PCSK4: variants seen among roughly 807,000 people sequenced by gnomAD.
The protein encoded by PCSK4 is testicular tissue protein Li 135.
PCSK4 carries 64 observed loss-of-function variants against 80.3 expected under a neutral mutation model. That is an observed-to-expected ratio of 0.80 (90% CI 0.65 to 0.98). PCSK4 has a LOEUF of 0.98. Ranked by LOEUF, PCSK4 falls within the 50% of genes least tolerant of loss-of-function variation. PCSK4 has a pLI of 0.00. For synonymous variants in PCSK4, 561 were observed against 487.6 expected (o/e 1.15, Z -1.98); for missense variants, 1,213 against 1,093.6 (o/e 1.11, Z -1.54).
exon 10 of PCSK4, chr19:1,483,870 T>C: frequency 6.7e-7 from 1 of 1,497,162 alleles, no homozygotes; most frequent in Non-Finnish European, 8.8e-7. Flanking sequence ...CCTCCAGTCC[T>C]CGGCCTGCAG....
intron 8 of PCSK4, among the ~76,000 whole-genome samples, chr19:1,485,075 G>C (rs1380751925): frequency 6.6e-6 from 1 of 151,952 alleles, no homozygotes; most frequent in Non-Finnish European, 1.5e-5. Flanking sequence ...TTGAGCCTGG[G>C]AGGTAGAGGT....
intron 2 of PCSK4, among the ~76,000 whole-genome samples, chr19:1,489,386 C>T (rs554402341): frequency 1.0e-3 from 158 of 152,230 alleles, no homozygotes; most frequent in African/African-American, 3.0e-3. Context: ...CGACCGCCTC[C>T]GCCTCCCAAA....
chr19:1,489,649 G>T, intron 2 of PCSK4, 144 bp downstream of exon 2: 1 of 1,404,154 alleles, frequency 7.1e-7, no homozygotes. Context: ...TCCTCTTGCT[G>T]TATAGACTTG....
At chr19:1,490,372 C>A in exon 1 of PCSK4, 1 of 919,172 alleles carries the variant, frequency 1.1e-6, no homozygotes, top group Non-Finnish European at 1.6e-6. Context: ...GCGGGGCCTG[C>A]GCAAATCCCC....
intron 8 of PCSK4, among the ~76,000 whole-genome samples, chr19:1,486,321 G>A (rs956783237): frequency 6.6e-6 from 1 of 150,530 alleles, no homozygotes; most frequent in Non-Finnish European, 1.5e-5. Flanking sequence ...TTTTGAGACG[G>A]AGTCTCACTC....
At chr19:1,483,861 C>T in exon 10 of PCSK4, 2 of 1,497,842 alleles carry the variant, frequency 1.3e-6, no homozygotes, top group Non-Finnish European at 1.8e-6. Context: ...GCCGTTGGTC[C>T]TCCAGTCCTC....
At chr19:1,489,983 T>C in intron 1 of PCSK4, 86 bp from the exon 2 acceptor site, 1 of 1,534,984 alleles carries the variant, frequency 6.5e-7, no homozygotes, top group Non-Finnish European at 8.8e-7. Context: ...CCCTTCTTTG[T>C]CCTTCCCCAG....
chr19:1,489,924 C>G (rs776286586), intron 1 of PCSK4, 27 bp from the exon 2 acceptor site: 3 of 1,578,360 alleles, frequency 1.9e-6, no homozygotes, highest in African/African-American at 1.4e-5. Context: ...GCGGCCGCAC[C>G]GATGGGACCC....
chr19:1,483,821 G>A lies in PCSK4; in HGVS notation c.1273+17C>T, dbSNP rs1001852475. The A allele has an allele frequency of 1.2e-5, 18 of 1,482,108 alleles. No individual in the cohort carries two copies. The highest frequency in any genetic ancestry group is 9.1e-5 in the South Asian group (7 of 76,842). The allele number at this position is 1,482,108 out of a possible 1,614,324, so 91.8% of individuals were successfully genotyped here. On this transcript the variant is annotated intron_variant, in intron 10 of 14. Coordinates refer to ENST00000300954, the Ensembl canonical transcript of PCSK4. ...CCGTGGGCCCCGGGTCCCCGCCCCC[G>A]CCCGGCCCCGCCGCACCTTGGCGCC...
In PCSK4 at chr19:1,483,786, G is replaced by A. The variant is rs1417602188; in HGVS notation, c.1274-19C>T. ...TGGCTCACTGCGCGGAAGGGCAGCA[G>A]TCACTCGCCCCGTGGGCCCCGGGTC... On this transcript the variant is annotated intron_variant, in intron 10 of 14. Coordinates refer to ENST00000300954, the Ensembl canonical transcript of PCSK4. 7 of 1,558,250 alleles carry A rather than the reference G, an allele frequency of 4.5e-6. No homozygotes were observed. Among genetic ancestry groups the A allele is most frequent in the Non-Finnish European group, 6.0e-6 (7 of 1,160,702 alleles).
chr19:1,488,061 A>C, exon 4 of PCSK4: 1 of 1,613,304 alleles, frequency 6.2e-7, no homozygotes, highest in South Asian at 1.1e-5. Context: ...CCAGGCCTGC[A>C]GGATGCTCAG....
chr19:1,487,537 C>A, intron 6 of PCSK4, 66 bp downstream of exon 6: 1 of 1,392,844 alleles, frequency 7.2e-7, no homozygotes, highest in Non-Finnish European at 9.9e-7. Flanking sequence ...TTGGGCCCAG[C>A]TCCCCGCCAG....
chr19:1,486,814 G>A, intron 8 of PCSK4, 39 bp downstream of exon 8: 2 of 1,517,668 alleles, frequency 1.3e-6, no homozygotes, highest in Non-Finnish European at 1.8e-6. Context: ...GGGATGGCAG[G>A]GCCTGGGGAG....
chr19:1,488,045 C>A (rs1203512575), exon 4 of PCSK4: 1 of 1,613,464 alleles, frequency 6.2e-7, no homozygotes, highest in Admixed American at 1.7e-5. Context: ...CTGACAGCCC[C>A]TGACTCCAGG....
upstream of PCSK4, chr19:1,490,559 C>T (rs901513296): frequency 4.1e-6 from 2 of 482,132 alleles, no homozygotes; most frequent in Non-Finnish European, 7.3e-6. Context: ...GACCCACACC[C>T]TCGGGAGCCT....
intron 12 of PCSK4, 44 bp downstream of exon 12, chr19:1,483,240 C>A (rs1366631665): frequency 2.0e-5 from 30 of 1,485,008 alleles, no homozygotes; most frequent in Non-Finnish European, 2.5e-5. Context: ...CAGCGTTTAC[C>A]GACAGGGCAT....
chr19:1,484,140 G>A lies in PCSK4; in HGVS notation c.1069-13C>T, dbSNP rs769572700. 5.3e-6 allele frequency: 8 copies of A among 1,500,972 alleles called. No individual in the cohort carries two copies. The highest frequency in any genetic ancestry group is 1.8e-4 in the Middle Eastern group (1 of 5,600). The allele number at this position is 1,500,972 out of a possible 1,614,324, so 93.0% of individuals were successfully genotyped here. ...GGTCCGTGGTGACCTGAGGGCAGAG[G>A]GGGGTGGGACTCGGGGGGCCGTGCA... On this transcript the variant is annotated splice_polypyrimidine_tract_variant and intron_variant, in intron 8 of 14. Transcript: ENST00000300954.
chr19:1,488,309 T>G, intron 2 of PCSK4, 29 bp from the exon 3 acceptor site: 1,073 of 1,479,848 alleles, frequency 7.3e-4, no homozygotes, highest in Non-Finnish European at 9.2e-4. Flanking sequence ...ATCAGGCCTG[T>G]CCCCTGCTCG....
chr19:1,487,425 G>C, intron 6 of PCSK4, 112 bp from the exon 7 acceptor site: 1 of 1,038,978 alleles, frequency 9.6e-7, no homozygotes, highest in Non-Finnish European at 1.4e-6. Flanking sequence ...CCCTCTCTCT[G>C]CTCCCTGGAG....
Sources: allele counts gnomAD v4.1 joint callset (sites outside exome capture counted in the v4.1 genomes callset), GRCh38; gene constraint gnomAD v4.1.1; transcripts MANE v1.5; gene names NCBI Gene and HGNC (gene_info 2026-07-23, HGNC 2026-07-21).